The following PHF24 variants were observed in gnomAD, a reference collection of about 807,000 sequenced individuals.
PHF24 encodes the protein Galpha inhibitory interacting protein.
PHF24 carries 25 observed loss-of-function variants against 42.6 expected under a neutral mutation model. The observed-to-expected ratio is 0.59, with a 90% confidence interval of 0.43 to 0.82. PHF24 has a LOEUF of 0.82. PHF24 is among the 40% of genes least tolerant of loss of function. The pLI is 0.00. For synonymous variants in PHF24, 185 were observed against 204.8 expected, an observed-to-expected ratio of 0.90 and a Z score of 0.83; for missense variants, 470 against 538.1, an observed-to-expected ratio of 0.87 and a Z score of 1.25.
intron 2 of PHF24, 92 bp downstream of exon 2, chr9:34,971,768 C>A (rs749772215): frequency 1.4e-6 from 2 of 1,409,994 alleles, no homozygotes; most frequent in Non-Finnish European, 1.9e-6. Context: ...TCCTCAAAAC[C>A]GGAAAAATGG....
intron 3 of PHF24, among the ~76,000 whole-genome samples, chr9:34,974,529 G>A (rs971930375): frequency 2.6e-5 from 4 of 152,074 alleles, no homozygotes; most frequent in Non-Finnish European, 4.4e-5. Flanking sequence ...TTGGTATCCA[G>A]TACCTTCTTC....
upstream of PHF24, among the ~76,000 whole-genome samples, chr9:34,954,598 C>T (rs1275835301): frequency 5.3e-5 from 8 of 152,324 alleles, no homozygotes; most frequent in Admixed American, 3.9e-4. Flanking sequence ...TTTCCCCCCA[C>T]AGTCTCTTTA....
At chr9:34,877,298 A>G in the PHF24 span, among the ~76,000 whole-genome samples, 1 of 149,650 alleles carries the variant, frequency 6.7e-6, no homozygotes, top group Non-Finnish European at 1.5e-5. Flanking sequence ...AAAAAAAAAG[A>G]AAAAGAAATT....
At chr9:34,833,569 C>T in the PHF24 span, 2 of 1,551,360 alleles carry the variant, frequency 1.3e-6, no homozygotes, top group Non-Finnish European at 1.7e-6. Context: ...CCCTGGACTT[C>T]CTTGCCCTAA....
At chr9:34,724,032 A>T in the PHF24 span, 13 of 1,538,402 alleles carry the variant, frequency 8.5e-6, no homozygotes, top group African/African-American at 1.8e-4. Flanking sequence ...CTGGTTGAGG[A>T]GCGCCCAAAC....
At chr9:34,859,319 A>C in the PHF24 span, among the ~76,000 whole-genome samples, 1 of 152,110 alleles carries the variant, frequency 6.6e-6, no homozygotes, top group Non-Finnish European at 1.5e-5. Context: ...CATCCCCTAG[A>C]ATGTTGCAAA....
the PHF24 span, among the ~76,000 whole-genome samples, chr9:34,895,971 C>T: frequency 6.6e-6 from 1 of 152,134 alleles, no homozygotes; most frequent in African/African-American, 2.4e-5. Flanking sequence ...GGCTACAGAG[C>T]CTGGGGCAAA....
At chr9:34,746,984 A>G in the PHF24 span, among the ~76,000 whole-genome samples, 1 of 152,252 alleles carries the variant, frequency 6.6e-6, no homozygotes, top group Non-Finnish European at 1.5e-5. Context: ...AAAGATTGAC[A>G]CATTGGACTA....
chr9:34,803,100 A>G, the PHF24 span, among the ~76,000 whole-genome samples: 1 of 152,116 alleles, frequency 6.6e-6, no homozygotes, highest in African/African-American at 2.4e-5. Flanking sequence ...TCAAGCATAA[A>G]CCATGCAGAA....
chr9:34,833,744 G>A, the PHF24 span: 8 of 1,542,144 alleles, frequency 5.2e-6, no homozygotes, highest in South Asian at 1.2e-5. Flanking sequence ...GAACTCTTTT[G>A]CAACGTCTGT....
the PHF24 span, among the ~76,000 whole-genome samples, chr9:34,699,974 G>A: frequency 6.6e-6 from 1 of 152,192 alleles, no homozygotes; most frequent in Non-Finnish European, 1.5e-5. Context: ...AAGGCAGTCA[G>A]GAAAACCTTT....
At chr9:34,766,751 A>G in the PHF24 span, among the ~76,000 whole-genome samples, 1 of 152,178 alleles carries the variant, frequency 6.6e-6, no homozygotes, top group African/African-American at 2.4e-5. Context: ...GAGGAGCTGC[A>G]TTCCTTTGGA....
At chr9:34,743,033 A>G in the PHF24 span, among the ~76,000 whole-genome samples, 1 of 152,216 alleles carries the variant, frequency 6.6e-6, no homozygotes, top group African/African-American at 2.4e-5. Flanking sequence ...GTATTTCACA[A>G]TGTGGCTTGC....
At chr9:34,971,405 G>A (rs745341589) in exon 2 of PHF24, 13 of 1,614,130 alleles carry the variant, frequency 8.1e-6, no homozygotes, top group Middle Eastern at 3.3e-4. Flanking sequence ...TCCATCCGAC[G>A]CACAGGTGAG....
At chr9:34,863,061 G>A in the PHF24 span, among the ~76,000 whole-genome samples, 6 of 152,082 alleles carry the variant, frequency 3.9e-5, no homozygotes, top group African/African-American at 1.4e-4. Flanking sequence ...GGAAGGAAGA[G>A]TGGGATGGAC....
chr9:34,683,783 G>A, the PHF24 span, among the ~76,000 whole-genome samples: 2 of 152,228 alleles, frequency 1.3e-5, no homozygotes, highest in South Asian at 2.1e-4. Context: ...TTCTGGGTGG[G>A]TGCTCCCTTC....
chr9:34,712,283 C>G, the PHF24 span, among the ~76,000 whole-genome samples: 1 of 151,958 alleles, frequency 6.6e-6, no homozygotes, highest in Non-Finnish European at 1.5e-5. Context: ...GTGTGGATCT[C>G]TGAGTTTATC....
chr9:34,918,157 C>A, the PHF24 span: 1 of 1,508,336 alleles, frequency 6.6e-7, no homozygotes, highest in Non-Finnish European at 9.2e-7. Flanking sequence ...ATTCCCTGGA[C>A]TGTCGGCCAG....
the PHF24 span, among the ~76,000 whole-genome samples, chr9:34,863,925 A>G: frequency 2.6e-5 from 4 of 152,266 alleles, no homozygotes; most frequent in Non-Finnish European, 4.4e-5. Flanking sequence ...TCAGAATTCT[A>G]CAAGAGAAAT....
Sources: allele counts gnomAD v4.1 joint callset (sites outside exome capture counted in the v4.1 genomes callset), GRCh38; gene constraint gnomAD v4.1.1; transcripts MANE v1.5; gene names NCBI Gene and HGNC (gene_info 2026-07-23, HGNC 2026-07-21).